Variants in SPNS3 observed in about 807,000 individuals in gnomAD.
The protein encoded by SPNS3 is SPNS lysolipid transporter 3, sphingosine-1-phosphate (putative).
SPNS3 carries 51 observed loss-of-function variants against 54.4 expected under a neutral mutation model. The ratio of observed to expected loss-of-function variants is 0.94; its 90% CI spans 0.75 to 1.18. The LOEUF (loss-of-function observed/expected upper bound fraction) is 1.18, where lower values mean the gene tolerates loss of function less well. Ranked by LOEUF, SPNS3 falls within the 50% of genes most tolerant of loss-of-function variation. SPNS3 has a pLI of 0.00. For missense variants in SPNS3, 669 were observed against 677.4 expected, an observed-to-expected ratio of 0.99 and a Z score of 0.14; for synonymous variants, 309 against 294.7, an observed-to-expected ratio of 1.05 and a Z score of -0.50.
intron 4 of SPNS3, 54 bp from the exon 5 acceptor site, chr17:4,446,842 C>G (rs1971003610): frequency 6.4e-7 from 1 of 1,559,140 alleles, no homozygotes; most frequent in South Asian, 1.1e-5. Flanking sequence ...GTGGTGGGGT[C>G]TGCCTTCCGC....
At chr17:4,487,283 G>A (rs1243832755) in intron 11 of SPNS3, among the ~76,000 whole-genome samples, 5 of 152,014 alleles carry the variant, frequency 3.3e-5, no homozygotes, top group South Asian at 2.1e-4. Flanking sequence ...GCCGTTCAGC[G>A]ACCTGGGGAA....
intron 8 of SPNS3, 145 bp downstream of exon 8, chr17:4,453,350 T>G (rs1971220865): frequency 1.2e-6 from 1 of 812,784 alleles, no homozygotes; most frequent in Non-Finnish European, 1.9e-6. Context: ...ATTTTACAGA[T>G]CAGTAAAGAG....
At position 4,442,488 on chromosome 17, in the gene SPNS3, G is replaced by A. The variant is rs960625000; in HGVS notation, c.266-2544G>A. 7.9e-5 allele frequency among the ~76,000 whole-genome samples: 12 copies of A among 151,970 alleles called. 1 individual carries two copies. The East Asian group carries it at 1.7e-3, about 22-fold the overall frequency. On this transcript the variant is annotated intron_variant, in intron 2 of 11. Coordinates refer to ENST00000355530, the MANE Select transcript of SPNS3 (RefSeq NM_182538.5). ...GCAGGGGTTGCAGTGAGCTGAGATC[G>A]TGCCACTGCACTCCAGACTGGGCCA...
intron 7 of SPNS3, among the ~76,000 whole-genome samples, chr17:4,451,867 C>T (rs1280112636): frequency 2.7e-5 from 4 of 147,964 alleles, no homozygotes; most frequent in African/African-American, 5.0e-5. Flanking sequence ...TTAGTAGAGA[C>T]GGGGTTTTGC....
intron 8 of SPNS3, among the ~76,000 whole-genome samples, chr17:4,472,064 G>T (rs530565215): frequency 2.0e-5 from 3 of 150,316 alleles, no homozygotes; most frequent in Non-Finnish European, 3.0e-5. Context: ...TTACCATGTT[G>T]ACCAGGCTGG....
Position 4,478,560 on chromosome 17 carries a change from C to A in SPNS3, c.1114-12C>A. 1 of 1,564,682 alleles carries A rather than the reference C, an allele frequency of 6.4e-7. No individual in the cohort carries two copies. Among genetic ancestry groups the A allele is most frequent in the South Asian group, 1.2e-5 (1 of 85,054 alleles). ...TCTGGGAATCCTCACCCAGGCCACC[C>A]TCTGTCCACAGGTGTTCCTGGGCCT... On this transcript the variant is annotated splice_polypyrimidine_tract_variant and intron_variant, in intron 8 of 11. Coordinates refer to ENST00000355530, the MANE Select transcript of SPNS3 (RefSeq NM_182538.5).
intron 9 of SPNS3, among the ~76,000 whole-genome samples, chr17:4,479,823 G>A (rs952817228): frequency 3.9e-5 from 6 of 152,228 alleles, no homozygotes; most frequent in African/African-American, 7.2e-5. Flanking sequence ...CTCAGTATCC[G>A]GATGTGGAAA....
At chr17:4,465,350 T>C (rs1286553050) in intron 8 of SPNS3, among the ~76,000 whole-genome samples, 3 of 152,170 alleles carry the variant, frequency 2.0e-5, no homozygotes, top group Admixed American at 6.6e-5. Context: ...CCTTGAAAGT[T>C]ACCATGAATG....
At chr17:4,451,963 G>A (rs775982541) in intron 7 of SPNS3, among the ~76,000 whole-genome samples, 4 of 151,938 alleles carry the variant, frequency 2.6e-5, no homozygotes, top group Non-Finnish European at 5.9e-5. Context: ...ACAAGCTTAA[G>A]CCACCTTGCC....
intron 8 of SPNS3, among the ~76,000 whole-genome samples, chr17:4,474,681 A>C (rs1296604475): frequency 2.0e-5 from 3 of 152,280 alleles, no homozygotes; most frequent in Middle Eastern, 3.4e-3. Flanking sequence ...ATGGATGTGC[A>C]CAGGAGTGAG....
chr17:4,487,986 C>A lies in SPNS3; in HGVS notation c.*92C>A. On this transcript the variant is annotated 3_prime_UTR_variant, in exon 12 of 12. Coordinates refer to ENST00000355530, the MANE Select transcript of SPNS3 (RefSeq NM_182538.5). Reference sequence around the variant, plus strand: ...TCCTCTTTGGCTGTCCTCGGGGACTCCGGCTGAGGCACATCTGCCACTTTT... The same window carrying A: ...TCCTCTTTGGCTGTCCTCGGGGACTACGGCTGAGGCACATCTGCCACTTTT... 1 of 1,104,544 alleles carries A rather than the reference C, an allele frequency of 9.1e-7. No homozygotes were observed. The highest frequency in any genetic ancestry group is 2.0e-5 in the Admixed American group (1 of 49,554). The allele number at this position is 1,104,544 out of a possible 1,614,324, so 68.4% of individuals were successfully genotyped here.
chr17:4,449,374 A>G lies in SPNS3; in HGVS notation c.910A>G (p.Ser304Gly), dbSNP rs1971095178. The G allele has an allele frequency of 1.9e-6, 3 of 1,601,102 alleles. No homozygotes were observed. Among genetic ancestry groups the G allele is most frequent in the East Asian group, 4.5e-5 (2 of 44,710 alleles). ...GCCTCCCTGCTTCCAGGAGCCGTGCAGCAACCCCGACAGGTGAGGGCATCC... is the reference window on the plus strand; with the variant it reads ...GCCTCCCTGCTTCCAGGAGCCGTGCGGCAACCCCGACAGGTGAGGGCATCC... ...LQPPCFQEPCSNPDSLIFGAL... is the reference protein window; with the variant it reads ...LQPPCFQEPCGNPDSLIFGAL... Residue 304 changes from serine (S) to glycine (G), a missense_variant, in exon 7 of 12, where the codon AGC becomes GGC. Transcript: ENST00000355530.
At chr17:4,446,846 C>G (rs542127411) in intron 4 of SPNS3, 50 bp from the exon 5 acceptor site, 1 of 1,578,968 alleles carries the variant, frequency 6.3e-7, no homozygotes, top group Admixed American at 1.7e-5. Context: ...TGGGGTCTGC[C>G]TTCCGCCTCC....
chr17:4,468,175 G>T (rs1006449545), intron 8 of SPNS3, among the ~76,000 whole-genome samples: 2 of 152,128 alleles, frequency 1.3e-5, no homozygotes, highest in African/African-American at 4.8e-5. Context: ...GCGTGGAGGC[G>T]CACACCTGTC....
chr17:4,447,694 G>C (rs1053894838), intron 5 of SPNS3, among the ~76,000 whole-genome samples: 2 of 152,174 alleles, frequency 1.3e-5, no homozygotes, highest in African/African-American at 2.4e-5. Context: ...CTGCCCCAAG[G>C]TGGGTAGTGA....
intron 2 of SPNS3, among the ~76,000 whole-genome samples, chr17:4,442,296 G>C (rs552723811): frequency 1.0e-4 from 15 of 149,392 alleles, no homozygotes; most frequent in Admixed American, 1.3e-4. Flanking sequence ...CCAGCACTTT[G>C]GGAGGCTGGG....
chr17:4,480,448 CA>C (rs1171166490), intron 9 of SPNS3, among the ~76,000 whole-genome samples: 1 of 152,224 alleles, frequency 6.6e-6, no homozygotes, highest in East Asian at 1.9e-4. Flanking sequence ...ATCCCCCCAG[CA>C]TAGCTGGTTC....
At chr17:4,468,838 G>T (rs1173906638) in intron 8 of SPNS3, among the ~76,000 whole-genome samples, 10 of 148,612 alleles carry the variant, frequency 6.7e-5, no homozygotes, top group African/African-American at 2.5e-4. Context: ...ACCGAGGCTG[G>T]AGGGCAATGG....
At chr17:4,471,170 C>T (rs188128789) in intron 8 of SPNS3, among the ~76,000 whole-genome samples, 9 of 152,290 alleles carry the variant, frequency 5.9e-5, no homozygotes, top group Admixed American at 1.3e-4. Flanking sequence ...GTGATCCACC[C>T]GCCTCGGCCT....
Sources: gnomAD v4.1 joint callset for allele counts (sites outside exome capture counted in the v4.1 genomes callset) on GRCh38, gnomAD v4.1.1 for gene constraint, MANE v1.5 for transcripts, NCBI Gene and HGNC (gene_info 2026-07-23, HGNC 2026-07-21) for gene names.